TRAPPC3L: variants seen among roughly 807,000 people sequenced by gnomAD.
TRAPPC3L encodes trafficking protein particle complex subunit 3-like protein.
A neutral mutation model predicts 23.7 loss-of-function variants in TRAPPC3L; 23 were observed. The observed-to-expected ratio is 0.97, with a 90% CI of 0.70 to 1.37. TRAPPC3L has a LOEUF of 1.37. Among genes scored for constraint, TRAPPC3L ranks in the 40% most tolerant of loss-of-function variants. TRAPPC3L has a pLI of 0.00. For missense variants in TRAPPC3L, 212 were observed against 216.8 expected (o/e 0.98, Z 0.14); for synonymous variants, 81 against 77.9 (o/e 1.04, Z -0.21).
rs968506106 is a variant in TRAPPC3L at position 116,495,385 on chromosome 6, T to A, written c.*1569A>T. The A allele has an allele frequency of 6.6e-6, 1 of 152,126 alleles. No homozygotes were observed. The highest frequency in any genetic ancestry group is 2.4e-5 in the African/African-American group (1 of 41,406). 9.4% of individuals were successfully genotyped at this position (152,126 alleles called of 1,614,324 possible). A position where few individuals can be genotyped will look rare whatever the true frequency, so the allele number is the denominator to read the frequency against. On this transcript the variant is annotated 3_prime_UTR_variant, in exon 5 of 5. Coordinates refer to ENST00000368602, the MANE Select transcript of TRAPPC3L (RefSeq NM_001139444.3). ...GCTGAATAGTACTCCATTGTGTATA[T>A]GTACCATATTTTCTTTATTTCATTA... is the stretch of plus-strand genomic sequence containing the variant.
At chr6:116,532,397 C>G (rs982340447) in intron 3 of TRAPPC3L, among the ~76,000 whole-genome samples, 22 of 152,254 alleles carry the variant, frequency 1.4e-4, no homozygotes, top group African/African-American at 5.1e-4. Flanking sequence ...CCACCGCGCC[C>G]GGCCGGTTTT....
intron 3 of TRAPPC3L, among the ~76,000 whole-genome samples, chr6:116,530,876 A>G (rs1772656840): frequency 7.0e-6 from 1 of 142,822 alleles, no homozygotes; most frequent in South Asian, 2.2e-4. Flanking sequence ...TAATGTGAGC[A>G]GAAGGTTCAT....
chr6:116,534,691 T>C (rs1562349658), intron 3 of TRAPPC3L, among the ~76,000 whole-genome samples: 1 of 152,086 alleles, frequency 6.6e-6, no homozygotes, highest in Non-Finnish European at 1.5e-5. Context: ...TCATTCATAT[T>C]GCTTCCTATG....
At chr6:116,533,030 C>T (rs1772838712) in intron 3 of TRAPPC3L, among the ~76,000 whole-genome samples, 1 of 152,212 alleles carries the variant, frequency 6.6e-6, no homozygotes, top group Non-Finnish European at 1.5e-5. Flanking sequence ...GGCTTTAAGT[C>T]TAAGCCCCCA....
At chr6:116,526,339 G>T (rs766532503) in intron 3 of TRAPPC3L, among the ~76,000 whole-genome samples, 3 of 152,188 alleles carry the variant, frequency 2.0e-5, no homozygotes, top group Non-Finnish European at 2.9e-5. Context: ...TGGATGGAGG[G>T]TCTGGAGGCG....
intron 2 of TRAPPC3L, 22 bp from the exon 3 acceptor site, chr6:116,540,484 T>C: frequency 6.5e-7 from 1 of 1,546,458 alleles, no homozygotes; most frequent in Non-Finnish European, 8.7e-7. Flanking sequence ...GGAAAGAGTG[T>C]GGTCTGAAAA....
At chr6:116,541,051 G>T (rs1175956347) in intron 2 of TRAPPC3L, among the ~76,000 whole-genome samples, 1 of 151,940 alleles carries the variant, frequency 6.6e-6, no homozygotes, top group Non-Finnish European at 1.5e-5. Flanking sequence ...TCATTCCAGG[G>T]AAACAAACTA....
rs1204823378 is a variant in TRAPPC3L at position 116,523,548 on chromosome 6, CA to C, written c.240+16814del. The C allele has an allele frequency of 7.2e-5, 11 of 152,138 alleles. 1 individual carries two copies. In the East Asian group the frequency reaches 1.4e-3, roughly 19 times the overall value. The allele number at this position is 152,138 out of a possible 1,614,324, so 9.4% of individuals were successfully genotyped here. Reference sequence around the variant, plus strand: ...CCTTTGATGACAAAATGGATCTAGACAATAAATAATGAATTCTAAACTATTA... The same window carrying C: ...CCTTTGATGACAAAATGGATCTAGACATAAATAATGAATTCTAAACTATTA... On this transcript the variant is annotated intron_variant, in intron 3 of 4. Coordinates refer to ENST00000368602, the MANE Select transcript of TRAPPC3L (RefSeq NM_001139444.3).
intron 3 of TRAPPC3L, chr6:116,524,781 A>T (rs1018613583): frequency 2.0e-5 from 3 of 152,076 alleles, no homozygotes; most frequent in Admixed American, 6.6e-5. Context: ...AAGTTGGAAA[A>T]TTTTCAACTT....
intron 3 of TRAPPC3L, among the ~76,000 whole-genome samples, chr6:116,509,866 A>C (rs1407695777): frequency 2.0e-5 from 3 of 152,232 alleles, no homozygotes; most frequent in Non-Finnish European, 4.4e-5. Flanking sequence ...CAGCAAAAGA[A>C]ATAAACATCA....
chr6:116,528,271 G>A (rs1444747360), intron 3 of TRAPPC3L, among the ~76,000 whole-genome samples: 1 of 152,202 alleles, frequency 6.6e-6, no homozygotes, highest in Non-Finnish European at 1.5e-5. Context: ...CAGTGGATGT[G>A]GCCTTCTGGG....
intron 3 of TRAPPC3L, among the ~76,000 whole-genome samples, chr6:116,539,678 A>G (rs777642506): frequency 6.6e-6 from 1 of 152,114 alleles, no homozygotes; most frequent in Admixed American, 6.6e-5. Flanking sequence ...TAACAATATT[A>G]AGGACTAGGA....
At chr6:116,498,530 T>C (rs1380252223) in intron 4 of TRAPPC3L, among the ~76,000 whole-genome samples, 1 of 152,248 alleles carries the variant, frequency 6.6e-6, no homozygotes, top group Non-Finnish European at 1.5e-5. Flanking sequence ...GCTATCTGGT[T>C]CCACCATTCT....
chr6:116,503,960 G>C (rs535919470), intron 3 of TRAPPC3L, among the ~76,000 whole-genome samples: 9 of 152,156 alleles, frequency 5.9e-5, no homozygotes, highest in African/African-American at 2.2e-4. Context: ...ACAATTCAAA[G>C]AACTAGAGAA....
chr6:116,501,535 A>T (rs996674194), intron 3 of TRAPPC3L, among the ~76,000 whole-genome samples: 1 of 152,186 alleles, frequency 6.6e-6, no homozygotes, highest in Admixed American at 6.5e-5. Flanking sequence ...ATGGTGTTTG[A>T]GCTCCGATAA....
chr6:116,537,883 A>G (rs1255953690), intron 3 of TRAPPC3L, among the ~76,000 whole-genome samples: 1 of 152,142 alleles, frequency 6.6e-6, no homozygotes, highest in East Asian at 1.9e-4. Context: ...CCCCACATAA[A>G]TATGTACTTC....
chr6:116,515,866 T>C (rs1192310191), intron 3 of TRAPPC3L: 1 of 1,613,872 alleles, frequency 6.2e-7, no homozygotes, highest in African/African-American at 1.3e-5. Context: ...CAGAGCTGCA[T>C]TCTTTCCACC....
At chr6:116,498,529 T>C (rs1361746271) in intron 4 of TRAPPC3L, among the ~76,000 whole-genome samples, 1 of 152,236 alleles carries the variant, frequency 6.6e-6, no homozygotes, top group Non-Finnish European at 1.5e-5. Flanking sequence ...TGCTATCTGG[T>C]TCCACCATTC....
At chr6:116,527,394 G>GTA (rs1264741200) in intron 3 of TRAPPC3L, among the ~76,000 whole-genome samples, 4 of 152,006 alleles carry the variant, frequency 2.6e-5, no homozygotes, top group South Asian at 4.2e-4. Flanking sequence ...GCGGGCGCCT[G>GTA]GTCCCAGCTA....
Sources: gnomAD v4.1 joint callset for allele counts (sites outside exome capture counted in the v4.1 genomes callset) on GRCh38, gnomAD v4.1.1 for gene constraint, MANE v1.5 for transcripts, NCBI Gene and HGNC (gene_info 2026-07-23, HGNC 2026-07-21) for gene names.